CCDC148: variants seen among roughly 807,000 people sequenced by gnomAD.
CCDC148 encodes the protein coiled-coil domain containing 148, also known as coiled-coil domain-containing protein 148.
CCDC148 carries 89 observed loss-of-function variants against 85.7 expected under a neutral mutation model. That is an observed-to-expected ratio of 1.04 (90% CI 0.87 to 1.24). The LOEUF (loss-of-function observed/expected upper bound fraction) is 1.24. Among genes scored for constraint, CCDC148 ranks in the 50% most tolerant of loss-of-function variants. The pLI is 0.00. For missense variants in CCDC148, 692 were observed against 671.7 expected (o/e 1.03, Z -0.33); for synonymous variants, 230 against 213.9 (o/e 1.08, Z -0.66).
intron 1 of CCDC148, among the ~76,000 whole-genome samples, chr2:158,390,190 A>G (rs1685246882): frequency 6.6e-6 from 1 of 152,190 alleles, no homozygotes; most frequent in African/African-American, 2.4e-5. Context: ...GGTTTATATA[A>G]TCTTGAAACT....
chr2:158,361,742 A>G (rs1429572412), intron 1 of CCDC148, among the ~76,000 whole-genome samples: 1 of 152,134 alleles, frequency 6.6e-6, no homozygotes, highest in Non-Finnish European at 1.5e-5. Flanking sequence ...AAAGACCATC[A>G]GCACTACGAA....
chr2:158,428,967 T>A (rs1295022893), intron 1 of CCDC148, among the ~76,000 whole-genome samples: 1 of 151,978 alleles, frequency 6.6e-6, no homozygotes, highest in Non-Finnish European at 1.5e-5. Flanking sequence ...TAAAAAAGGA[T>A]GAGTTCATGT....
At chr2:158,207,954 G>GACACACACACACACACACAC (rs34660144) in intron 11 of CCDC148, among the ~76,000 whole-genome samples, 1 of 148,990 alleles carries the variant, frequency 6.7e-6, no homozygotes, top group Non-Finnish European at 1.5e-5. Context: ...ATTTTGATCT[G>GACACACACACACACACACAC]ACACACACAC....
At chr2:158,173,359 T>C (rs12053550) in intron 13 of CCDC148, among the ~76,000 whole-genome samples, 4,089 of 152,184 alleles carry the variant, frequency 0.027, 113 homozygotes, top group East Asian at 0.13. Context: ...CTTAAAAGGC[T>C]TGCATGGCCA....
rs374130019 is a variant in CCDC148 at position 158,223,871 on chromosome 2, A to G, written c.1252-3158T>C. 8.5e-5 allele frequency among the ~76,000 whole-genome samples: 13 copies of G among 152,368 alleles called. No homozygotes were observed. In the South Asian group the frequency reaches 1.9e-3, roughly 22 times the overall value. ...TAGATAAAACCACAAAGATGGGGAA[A>G]AAACAGAGCAGAAAAACTGGAAACT... is the stretch of plus-strand genomic sequence containing the variant. On this transcript the variant is annotated intron_variant, in intron 10 of 13. Transcript: ENST00000283233.
At chr2:158,210,105 G>C (rs1255337570) in intron 11 of CCDC148, among the ~76,000 whole-genome samples, 1 of 152,062 alleles carries the variant, frequency 6.6e-6, no homozygotes, top group African/African-American at 2.4e-5. Flanking sequence ...CAAAATAAAG[G>C]GATGGAGGAA....
At chr2:158,359,537 C>T (rs1033154607) in intron 1 of CCDC148, among the ~76,000 whole-genome samples, 2 of 152,076 alleles carry the variant, frequency 1.3e-5, no homozygotes, top group Non-Finnish European at 1.5e-5. Context: ...GACAGCAAGC[C>T]GAAGCAGGGT....
chr2:158,391,943 T>A (rs1301327859), intron 1 of CCDC148, among the ~76,000 whole-genome samples: 3 of 152,072 alleles, frequency 2.0e-5, no homozygotes, highest in South Asian at 4.1e-4. Flanking sequence ...AGTTTTAGGG[T>A]GAAATCAAAA....
chr2:158,288,778 C>T, intron 9 of CCDC148: 2 of 406,618 alleles, frequency 4.9e-6, no homozygotes, highest in South Asian at 1.8e-5. Flanking sequence ...CTTCACTCTA[C>T]TGGTACCAAT....
intron 1 of CCDC148, among the ~76,000 whole-genome samples, chr2:158,427,396 C>T (rs1237745397): frequency 6.6e-6 from 1 of 151,944 alleles, no homozygotes; most frequent in Non-Finnish European, 1.5e-5. Flanking sequence ...AGTGACATAA[C>T]CAGTTTTATA....
rs144664834 is a variant in CCDC148, at chr2:158,433,134, C to T, written c.25+23281G>A. Among the ~76,000 whole-genome samples, 637 of 135,944 alleles carry T rather than the reference C, an allele frequency of 4.7e-3. 5 individuals carry two copies. Among genetic ancestry groups the T allele is most frequent in the African/African-American group, 0.016 (603 of 38,104 alleles). The allele number at this position is 135,944 out of a possible 152,430, so 89.2% of individuals were successfully genotyped here. On this transcript the variant is annotated intron_variant, in intron 1 of 13. Coordinates refer to ENST00000283233, the MANE Select transcript of CCDC148 (RefSeq NM_138803.4). ...TATGACTTGGGTGTCATGGCCCACA[C>T]CTGTAGTCCCAGCAACTCAGGAGGT...
chr2:158,226,192 C>T (rs1446534067), intron 10 of CCDC148, among the ~76,000 whole-genome samples: 1 of 152,162 alleles, frequency 6.6e-6, no homozygotes, highest in African/African-American at 2.4e-5. Flanking sequence ...TGCAAATAAA[C>T]TAGAAAATCT....
intron 9 of CCDC148, among the ~76,000 whole-genome samples, chr2:158,291,462 A>G (rs2105188117): frequency 6.6e-6 from 1 of 152,248 alleles, no homozygotes; most frequent in Middle Eastern, 3.4e-3. Flanking sequence ...ATCCTGGAAC[A>G]TTGTTTCTGA....
intron 1 of CCDC148, among the ~76,000 whole-genome samples, chr2:158,385,435 A>C (rs1282720338): frequency 6.6e-6 from 1 of 152,158 alleles, no homozygotes; most frequent in Non-Finnish European, 1.5e-5. Flanking sequence ...CATAGTAAGC[A>C]CTATACATGT....
At chr2:158,273,063 G>C (rs1243794424) in intron 9 of CCDC148, among the ~76,000 whole-genome samples, 1 of 152,144 alleles carries the variant, frequency 6.6e-6, no homozygotes, top group East Asian at 1.9e-4. Flanking sequence ...AGAGGCTGGA[G>C]GATGTGAGAA....
At chr2:158,418,796 T>C (rs1410068027) in intron 1 of CCDC148, among the ~76,000 whole-genome samples, 2 of 152,138 alleles carry the variant, frequency 1.3e-5, no homozygotes, top group Admixed American at 1.3e-4. Context: ...ATTTATCATA[T>C]ATATATCTCT....
intron 1 of CCDC148, among the ~76,000 whole-genome samples, chr2:158,437,828 C>T (rs918259369): frequency 3.3e-5 from 5 of 152,114 alleles, no homozygotes; most frequent in Non-Finnish European, 7.4e-5. Flanking sequence ...TTCTTATGTA[C>T]CAATAACAGA....
At chr2:158,429,808 G>T (rs1193653420) in intron 1 of CCDC148, among the ~76,000 whole-genome samples, 2 of 152,136 alleles carry the variant, frequency 1.3e-5, no homozygotes, top group Non-Finnish European at 2.9e-5. Flanking sequence ...ACATGTCTGT[G>T]ATCACTGAAG....
At chr2:158,396,289 T>C (rs1160955020) in intron 1 of CCDC148, among the ~76,000 whole-genome samples, 1 of 152,182 alleles carries the variant, frequency 6.6e-6, no homozygotes, top group Non-Finnish European at 1.5e-5. Flanking sequence ...TATTTCTCTA[T>C]GAGAACAACT....
Sources: allele counts gnomAD v4.1 joint callset (sites outside exome capture counted in the v4.1 genomes callset), GRCh38; gene constraint gnomAD v4.1.1; transcripts MANE v1.5; gene names NCBI Gene and HGNC (gene_info 2026-07-23, HGNC 2026-07-21).